The following KCNIP4 variants were observed in gnomAD, a reference collection of about 807,000 sequenced individuals.
KCNIP4 encodes the protein Kv channel-interacting protein 4.
In KCNIP4, 12 loss-of-function variants were observed where a neutral mutation model predicts 34.0. The observed-to-expected ratio is 0.35, with a 90% CI of 0.23 to 0.57. The LOEUF is 0.57. Ranked by LOEUF, KCNIP4 falls within the 20% of genes least tolerant of loss-of-function variation. KCNIP4 has a pLI of 0.83. For missense variants in KCNIP4, 238 were observed against 311.7 expected, an observed-to-expected ratio of 0.76 and a Z score of 1.78; for synonymous variants, 124 against 102.2, an observed-to-expected ratio of 1.21 and a Z score of -1.29.
chr4:20,841,090 C>A (rs1219730080), intron 3 of KCNIP4, among the ~76,000 whole-genome samples: 6 of 152,036 alleles, frequency 3.9e-5, no homozygotes, highest in Non-Finnish European at 5.9e-5. Context: ...ACTAAAGGAG[C>A]CATGCTCTTT....
intron 2 of KCNIP4, among the ~76,000 whole-genome samples, chr4:20,878,451 G>A (rs961160320): frequency 2.0e-5 from 3 of 152,084 alleles, no homozygotes; most frequent in African/African-American, 7.2e-5. Flanking sequence ...AGCCAATCAA[G>A]ATATGTCCCC....
intron 1 of KCNIP4, among the ~76,000 whole-genome samples, chr4:21,802,120 G>A (rs1034047823): frequency 5.9e-5 from 9 of 152,120 alleles, no homozygotes; most frequent in African/African-American, 2.2e-4. Flanking sequence ...TGAGACTGAA[G>A]TGCAGACTGT....
In KCNIP4 at chr4:21,710,008, G is replaced by A. The variant is rs143735618; in HGVS notation, c.61+238563C>T. 1.8e-3 allele frequency among the ~76,000 whole-genome samples: 269 copies of A among 152,314 alleles called. 10 individuals carry two copies. In the South Asian group the frequency reaches 0.037, roughly 21 times the overall value. On this transcript the variant is annotated intron_variant, in intron 1 of 8. Transcript: ENST00000382152. ...AACTTTTAGATTAAATTGGATAGGA[G>A]GGCCCACATTGGCATGCCCTGCTGG...
chr4:20,929,868 A>C (rs1730277334), intron 1 of KCNIP4, among the ~76,000 whole-genome samples: 2 of 151,786 alleles, frequency 1.3e-5, no homozygotes, highest in Admixed American at 1.3e-4. Context: ...AAAAAGTTGA[A>C]GAAGACACAT....
intron 1 of KCNIP4, among the ~76,000 whole-genome samples, chr4:21,778,057 A>G (rs1719298731): frequency 6.6e-6 from 1 of 152,120 alleles, no homozygotes; most frequent in African/African-American, 2.4e-5. Flanking sequence ...AGGACAACTT[A>G]TCTGTCTTTA....
intron 1 of KCNIP4, among the ~76,000 whole-genome samples, chr4:21,757,233 AAG>A (rs1717690800): frequency 3.8e-5 from 1 of 25,986 alleles, no homozygotes; most frequent in African/African-American, 2.7e-4. Context: ...GAAAGAAAGA[AAG>A]AAAGAAAGAA....
rs141669124 is a variant in KCNIP4, at chr4:21,865,350, A to G, written c.61+83221T>C. 4.8e-3 allele frequency among the ~76,000 whole-genome samples: 735 copies of G among 151,720 alleles called. 7 individuals are homozygous for G. Among genetic ancestry groups the G allele is most frequent in the Non-Finnish European group, 4.8e-3 (329 of 67,906 alleles). On this transcript the variant is annotated intron_variant, in intron 1 of 8. Transcript: ENST00000382152. ...GAAGAAATAAGTGGGTGAGGAAGGG[A>G]GGAAGAAAGGAAAGGAGGAAGGGGA...
At chr4:21,256,012 A>G (rs1467671122) in intron 1 of KCNIP4, among the ~76,000 whole-genome samples, 1 of 152,122 alleles carries the variant, frequency 6.6e-6, no homozygotes, top group Non-Finnish European at 1.5e-5. Context: ...AGAACCACAT[A>G]GCAGGCTAGA....
intron 1 of KCNIP4, among the ~76,000 whole-genome samples, chr4:21,923,678 T>C (rs1729069087): frequency 1.3e-5 from 2 of 152,150 alleles, no homozygotes; most frequent in South Asian, 4.1e-4. Context: ...CTCCACGAAG[T>C]CTTCCCCTCC....
chr4:21,113,116 T>A (rs1030073550), intron 1 of KCNIP4, among the ~76,000 whole-genome samples: 2 of 152,204 alleles, frequency 1.3e-5, no homozygotes, highest in Non-Finnish European at 2.9e-5. Flanking sequence ...GAATGTCTGA[T>A]AATGTACAGA....
intron 1 of KCNIP4, among the ~76,000 whole-genome samples, chr4:21,217,310 A>T (rs1757658456): frequency 6.6e-6 from 1 of 152,194 alleles, no homozygotes; most frequent in Non-Finnish European, 1.5e-5. Context: ...TACAAAAGGC[A>T]TGAAAGCAAG....
chr4:21,187,087 A>G (rs545866523), intron 1 of KCNIP4, among the ~76,000 whole-genome samples: 2 of 152,240 alleles, frequency 1.3e-5, no homozygotes, highest in South Asian at 4.1e-4. Context: ...ATTTTATTTT[A>G]TTCTCAGCAA....
At chr4:20,876,566 GA>G (rs1376200475) in intron 2 of KCNIP4, among the ~76,000 whole-genome samples, 1 of 151,520 alleles carries the variant, frequency 6.6e-6, no homozygotes, top group Non-Finnish European at 1.5e-5. Flanking sequence ...GAATTGGGAA[GA>G]AATCTTTTTT....
Position 20,800,835 on chromosome 4 carries a change from C to A in KCNIP4, c.289-41945G>T, listed in dbSNP as rs191440219. Reference sequence around the variant, plus strand: ...TATTTGCATTATGAGATTTTCAGGACAAGAGATTAAAAAAGGGACAAAAAT... The same window carrying A: ...TATTTGCATTATGAGATTTTCAGGAAAAGAGATTAAAAAAGGGACAAAAAT... On this transcript the variant is annotated intron_variant, in intron 3 of 8. Coordinates refer to ENST00000382152, the MANE Select transcript of KCNIP4 (RefSeq NM_025221.6). 4.2e-3 allele frequency among the ~76,000 whole-genome samples: 641 copies of A among 151,998 alleles called. 4 individuals carry two copies. Among genetic ancestry groups the A allele is most frequent in the African/African-American group, 0.015 (612 of 41,486 alleles).
At chr4:21,265,783 T>C (rs12639711) in intron 1 of KCNIP4, among the ~76,000 whole-genome samples, 3,794 of 152,288 alleles carry the variant, frequency 0.025, 83 homozygotes, top group East Asian at 0.15. Context: ...AATCACTGTT[T>C]GTTTCTGACT....
chr4:21,742,050 A>G (rs1236611221), intron 1 of KCNIP4, among the ~76,000 whole-genome samples: 1 of 152,098 alleles, frequency 6.6e-6, no homozygotes, highest in Non-Finnish European at 1.5e-5. Flanking sequence ...ATAAACAAAC[A>G]AACAAACAAA....
chr4:20,863,883 C>T (rs1392660204), intron 2 of KCNIP4, among the ~76,000 whole-genome samples: 1 of 152,002 alleles, frequency 6.6e-6, no homozygotes, highest in Non-Finnish European at 1.5e-5. Flanking sequence ...GAGCAAAGAA[C>T]AATCACTAAT....
intron 1 of KCNIP4, among the ~76,000 whole-genome samples, chr4:21,440,806 A>C (rs1276809553): frequency 1.3e-5 from 2 of 152,226 alleles, no homozygotes; most frequent in African/African-American, 4.8e-5. Flanking sequence ...ATTTATTGTC[A>C]GTAACATAAC....
At chr4:21,326,103 G>A (rs1412216090) in intron 1 of KCNIP4, among the ~76,000 whole-genome samples, 1 of 151,696 alleles carries the variant, frequency 6.6e-6, no homozygotes, top group African/African-American at 2.4e-5. Flanking sequence ...AATATCTAAG[G>A]TTCATTTAGT....
Sources: allele counts gnomAD v4.1 joint callset (sites outside exome capture counted in the v4.1 genomes callset), GRCh38; gene constraint gnomAD v4.1.1; transcripts MANE v1.5; gene names NCBI Gene and HGNC (gene_info 2026-07-23, HGNC 2026-07-21).